The following E2F4 variants were observed in gnomAD, a reference collection of about 807,000 sequenced individuals.
The protein encoded by E2F4 is transcription factor E2F4.
Under a neutral mutation model 44.5 loss-of-function variants are expected in E2F4, and 16 were observed. The ratio of observed to expected loss-of-function variants is 0.36; its 90% CI spans 0.24 to 0.55. The LOEUF (loss-of-function observed/expected upper bound fraction) is 0.55. E2F4 is among the 20% of genes least tolerant of loss of function. The pLI is 0.87. For missense variants in E2F4, 473 were observed against 522.1 expected, an observed-to-expected ratio of 0.91 and a Z score of 0.92; for synonymous variants, 242 against 207.2, an observed-to-expected ratio of 1.17 and a Z score of -1.44.
Position 67,198,019 on chromosome 16 carries a change from C to T in E2F4, c.1138C>T (p.Leu380=). Residue 380 remains leucine (L), a synonymous_variant, in exon 10 of 10, where the codon CTG becomes TTG. Transcript: ENST00000379378. The stretch of plus-strand genomic sequence containing the variant: ...AGTGCTCTCTGCAGTGTTTGCCCCT[C>T]TGCTTCGTCTTTCTCCACCCCCGGG... The part of the protein sequence containing the change: ...ELMSSEVFAP[L]LRLSPPPGDH... The T allele has an allele frequency of 6.2e-7, 1 of 1,614,138 alleles. No homozygotes were observed. Among genetic ancestry groups the T allele is most frequent in the Non-Finnish European group, 8.5e-7 (1 of 1,180,002 alleles).
chr16:67,194,073 A>G, intron 4 of E2F4: 2 of 331,414 alleles, frequency 6.0e-6, no homozygotes, highest in South Asian at 9.7e-5. Flanking sequence ...TCCATCTTGT[A>G]TGCTCCTGAC....
intron 7 of E2F4, 75 bp downstream of exon 7, chr16:67,196,081 G>A (rs1023764557): frequency 1.8e-5 from 29 of 1,593,742 alleles, no homozygotes; most frequent in African/African-American, 2.7e-5. Flanking sequence ...AACAGAATTG[G>A]GGATGGAACC....
chr16:67,194,046 C>T (rs569052745), intron 4 of E2F4: 14 of 285,896 alleles, frequency 4.9e-5, no homozygotes, highest in African/African-American at 1.3e-4. Flanking sequence ...CACTGTGCCC[C>T]GCTGATGTGT....
intron 9 of E2F4, 34 bp downstream of exon 9, chr16:67,197,945 G>A (rs1310790860): frequency 6.2e-7 from 1 of 1,614,040 alleles, no homozygotes; most frequent in Non-Finnish European, 8.5e-7. Context: ...GTGGGTGTGG[G>A]CAGGGGTTGG....
intron 4 of E2F4, 131 bp downstream of exon 4, chr16:67,193,646 C>A: frequency 1.0e-6 from 1 of 971,576 alleles, no homozygotes; most frequent in Non-Finnish European, 1.6e-6. Flanking sequence ...AGGAACCAGG[C>A]AGGGTAAGTC....
At position 67,195,765 on chromosome 16, in the gene E2F4, G is replaced by C. The variant is rs1416518162; in HGVS notation, c.809-17G>C. On this transcript the variant is annotated splice_polypyrimidine_tract_variant and intron_variant, in intron 6 of 9. Coordinates refer to ENST00000379378, the MANE Select transcript of E2F4 (RefSeq NM_001950.4). ...TTCCTGACCTTGTATGACTGGGTTT[G>C]GGGGCTATCATTGTAGTGAGTGGCG... The C allele has an allele frequency of 6.2e-7, 1 of 1,613,884 alleles. No individual in the cohort carries two copies. The highest frequency in any genetic ancestry group is 8.5e-7 in the Non-Finnish European group (1 of 1,179,922).
In E2F4 at chr16:67,197,851, C is replaced by G; in HGVS notation, c.1082-16C>G. The G allele has an allele frequency of 2.5e-6, 4 of 1,614,038 alleles. No individual in the cohort carries two copies. The highest frequency in any genetic ancestry group is 1.1e-5 in the South Asian group (1 of 91,076). On this transcript the variant is annotated splice_polypyrimidine_tract_variant and intron_variant, in intron 8 of 9. Coordinates refer to ENST00000379378, the MANE Select transcript of E2F4 (RefSeq NM_001950.4). ...GGGAGCTGGAATGTTAGTAACTGAGCTCCCTCCATTCCCAGAGTGCATGAG... is the reference window on the plus strand; with the variant it reads ...GGGAGCTGGAATGTTAGTAACTGAGGTCCCTCCATTCCCAGAGTGCATGAG...
At chr16:67,193,276 A>G in intron 3 of E2F4, 106 bp downstream of exon 3, 3 of 1,524,490 alleles carry the variant, frequency 2.0e-6, no homozygotes, top group South Asian at 1.2e-5. Flanking sequence ...GCCACTGGCC[A>G]TGGCCCAGCC....
At chr16:67,192,650 G>T in intron 1 of E2F4, 111 bp from the exon 2 acceptor site, 1 of 1,075,894 alleles carries the variant, frequency 9.3e-7, no homozygotes. Flanking sequence ...AGTAGCGCCT[G>T]GGAGGCACTA....
At chr16:67,194,500 G>C in intron 5 of E2F4, 41 bp downstream of exon 5, 14 of 1,611,200 alleles carry the variant, frequency 8.7e-6, no homozygotes, top group Non-Finnish European at 1.2e-5. Context: ...GCTGAGGGCG[G>C]GTGCTGGCTG....
chr16:67,194,701 A>G lies in E2F4; in HGVS notation c.529A>G (p.Lys177Glu). 1 of 1,612,150 alleles carries G rather than the reference A, an allele frequency of 6.2e-7. No individual in the cohort carries two copies. The highest frequency in any genetic ancestry group is 8.5e-7 in the Non-Finnish European group (1 of 1,178,244). ...VPIPEGLNGQ[K>E]KYQIHLKSVS... ...CCATCTCTAGGGTCTCAATGGGCAGAAGAAGTACCAGATTCACCTGAAGAG... is the reference window on the plus strand; with the variant it reads ...CCATCTCTAGGGTCTCAATGGGCAGGAGAAGTACCAGATTCACCTGAAGAG... The change falls in exon 6 of 10, where the codon AAG becomes GAG. Residue 177 changes from lysine (K) to glutamate (E), a missense_variant. By Grantham distance (56) the Lys-to-Glu change is moderately conservative. Around this residue, in one of 3 missense-constraint regions of E2F4, gnomAD observed 314 missense variants for 315.6 expected, o/e 0.99. Coordinates refer to ENST00000379378, the MANE Select transcript of E2F4 (RefSeq NM_001950.4).
At position 67,194,473 on chromosome 16, in the gene E2F4, C is replaced by A; in HGVS notation, c.513+14C>A. ...CCCATCCCAGAGGTGGGTGCTTAGC[C>A]CAGGCAGGCGGGGTCAGCTGAGGGC... On this transcript the variant is annotated intron_variant, in intron 5 of 9. Coordinates refer to ENST00000379378, the MANE Select transcript of E2F4 (RefSeq NM_001950.4). 6.2e-7 allele frequency: 1 copy of A among 1,613,582 alleles called. No homozygotes were observed.
In E2F4 at chr16:67,195,862, C is replaced by T. The variant is rs145601096; in HGVS notation, c.889C>T (p.Arg297Trp). Residue 297 changes from arginine (R) to tryptophan (W), a missense_variant, in exon 7 of 10, where the codon CGG becomes TGG. By Grantham distance (101) the Arg-to-Trp change is moderately radical. Coordinates refer to ENST00000379378, the MANE Select transcript of E2F4 (RefSeq NM_001950.4). The stretch of plus-strand genomic sequence containing the variant: ...ACTGGGCCCAACAACACTGGACACC[C>T]GGCCACTGCAGTCTTCTGCCCTGCT... The part of the protein sequence containing the change: ...LPLGPTTLDT[R>W]PLQSSALLDS... The T allele has an allele frequency of 2.4e-5, 39 of 1,614,082 alleles. No homozygotes were observed. Among genetic ancestry groups the T allele is most frequent in the East Asian group, 8.9e-5 (4 of 44,888 alleles).
At position 67,192,213 on chromosome 16, in the gene E2F4, C is replaced by G. The variant is rs535487785; in HGVS notation, c.-15C>G. 1 of 1,098,992 alleles carries G rather than the reference C, an allele frequency of 9.1e-7. No homozygotes were observed. The highest frequency in any genetic ancestry group is 1.1e-6 in the Non-Finnish European group (1 of 901,912). 68.1% of individuals were successfully genotyped at this position (1,098,992 alleles called of 1,614,324 possible). A position where few individuals can be genotyped will look rare whatever the true frequency, so the allele number is the denominator to read the frequency against. ...CTGGCCTGGCCTGGCTGAGGGGAGGCGGCGGGCGGGCGCGATGGCGGAGGC... is the reference window on the plus strand; with the variant it reads ...CTGGCCTGGCCTGGCTGAGGGGAGGGGGCGGGCGGGCGCGATGGCGGAGGC... On this transcript the variant is annotated 5_prime_UTR_variant, in exon 1 of 10. Transcript: ENST00000379378.
chr16:67,196,788 G>A (rs979062472), intron 7 of E2F4, among the ~76,000 whole-genome samples: 3 of 152,088 alleles, frequency 2.0e-5, no homozygotes, highest in Non-Finnish European at 4.4e-5. Flanking sequence ...GCACCCAGCC[G>A]TCAGCCCTAG....
Position 67,195,924 on chromosome 16 carries a change from C to CAGCAGT in E2F4, c.956_957insTAGCAG (p.Ser318_Ser319dup), listed in dbSNP as rs1555554103. ...GCAGCAGCAGCAGCAGCAGCAGCAG[C>CAGCAGT]AGCAGCAACAGTAACAGCAGCAGTT... On this transcript the variant is annotated inframe_insertion, in exon 7 of 10. Coordinates refer to ENST00000379378, the MANE Select transcript of E2F4 (RefSeq NM_001950.4). 11 of 1,613,478 alleles carry CAGCAGT rather than the reference C, an allele frequency of 6.8e-6. No homozygotes were observed. Among genetic ancestry groups the CAGCAGT allele is most frequent in the Middle Eastern group, 1.6e-4 (1 of 6,084 alleles).
chr16:67,198,867 A>C lies in E2F4; in HGVS notation c.*744A>C. The C allele has an allele frequency of 2.4e-6, 1 of 424,682 alleles. No individual in the cohort carries two copies. Among genetic ancestry groups the C allele is most frequent in the Non-Finnish European group, 4.2e-6 (1 of 238,642 alleles). The allele number at this position is 424,682 out of a possible 1,614,324, so 26.3% of individuals were successfully genotyped here. ...TTTTATACTTTTTGCAGCAAAAGGA[A>C]ATTGTAATATTTGTACAGTGTTCAA... is the stretch of plus-strand genomic sequence containing the variant. On this transcript the variant is annotated 3_prime_UTR_variant, in exon 10 of 10. Coordinates refer to ENST00000379378, the MANE Select transcript of E2F4 (RefSeq NM_001950.4).
At position 67,192,745 on chromosome 16, in the gene E2F4, C is replaced by T; in HGVS notation, c.136-16C>T. On this transcript the variant is annotated splice_polypyrimidine_tract_variant and intron_variant, in intron 1 of 9. Coordinates refer to ENST00000379378, the MANE Select transcript of E2F4 (RefSeq NM_001950.4). ...ACCCCAGAGTGGGGCTGAGCATTCT[C>T]CATTCTCTCTGCCAGGCAGCTGACA... 1 of 1,600,948 alleles carries T rather than the reference C, an allele frequency of 6.2e-7. No individual in the cohort carries two copies. Among genetic ancestry groups the T allele is most frequent in the East Asian group, 2.2e-5 (1 of 44,458 alleles).
At chr16:67,197,747 T>G in intron 8 of E2F4, 101 bp downstream of exon 8, 1 of 1,599,178 alleles carries the variant, frequency 6.3e-7, no homozygotes, top group Non-Finnish European at 8.6e-7. Context: ...TTGTGGCGCT[T>G]ATGGTAACTG....
Sources: gnomAD v4.1 joint callset for allele counts (sites outside exome capture counted in the v4.1 genomes callset) on GRCh38, gnomAD v4.1.1 for gene constraint, gnomAD v4.1.1 regional missense constraint, MANE v1.5 for transcripts, NCBI Gene and HGNC (gene_info 2026-07-23, HGNC 2026-07-21) for gene names.